Variants in PLCB4 observed in about 807,000 individuals in gnomAD.
The protein encoded by PLCB4 is 1-phosphatidylinositol 4,5-bisphosphate phosphodiesterase beta-4.
PLCB4 carries 77 observed loss-of-function variants against 178.8 expected under a neutral mutation model. That is an observed-to-expected ratio of 0.43 (90% CI 0.36 to 0.52). PLCB4 has a LOEUF of 0.52. Ranked by LOEUF, PLCB4 falls within the 20% of genes least tolerant of loss-of-function variation. The probability of loss-of-function intolerance (pLI) is 0.00; values close to 1 mark genes in which losing one functional copy is unlikely to be tolerated. For missense variants in PLCB4, 1,024 were observed against 1,453.4 expected, an observed-to-expected ratio of 0.70 and a Z score of 4.80; for synonymous variants, 496 against 490.8, an observed-to-expected ratio of 1.01 and a Z score of -0.14.
intron 7 of PLCB4, 75 bp from the exon 8 acceptor site, chr20:9,362,821 A>T: frequency 2.4e-6 from 2 of 837,172 alleles, no homozygotes; most frequent in Non-Finnish European, 4.1e-6. Context: ...AATGGATACA[A>T]TCTATCTAAT....
At chr20:9,234,373 TA>T (rs2093969806) in intron 3 of PLCB4, among the ~76,000 whole-genome samples, 1 of 152,120 alleles carries the variant, frequency 6.6e-6, no homozygotes, top group African/African-American at 2.4e-5. Context: ...AGACAGCCTC[TA>T]AAGCTTTGGG....
chr20:9,214,625 A>AC (rs770003371), intron 2 of PLCB4, among the ~76,000 whole-genome samples: 67 of 152,102 alleles, frequency 4.4e-4, no homozygotes, highest in Non-Finnish European at 9.1e-4. Context: ...ACTCATGCAC[A>AC]CAGTCCCTTC....
Position 9,235,650 on chromosome 20 carries a change from G to T in PLCB4, c.-16+18198G>T, listed in dbSNP as rs541463039. ...GCTCTGACTGGCAGAATTCTCAGAT[G>T]TAGAAGTGGGTTGTTGGGCAGATAA... On this transcript the variant is annotated intron_variant, in intron 3 of 39. Transcript: ENST00000378473. Among the ~76,000 whole-genome samples the T allele has an allele frequency of 3.9e-5, 6 of 152,320 alleles. No homozygotes were observed. The South Asian group carries it at 1.2e-3, about 32-fold the overall frequency.
At chr20:9,296,361 A>G (rs1224107161) in intron 3 of PLCB4, among the ~76,000 whole-genome samples, 1 of 152,220 alleles carries the variant, frequency 6.6e-6, no homozygotes, top group Non-Finnish European at 1.5e-5. Flanking sequence ...AGGAAACAAC[A>G]GGTGCTGGAG....
At chr20:9,453,578 T>C in intron 33 of PLCB4, 116 bp downstream of exon 33, 1 of 608,534 alleles carries the variant, frequency 1.6e-6, no homozygotes, top group Non-Finnish European at 2.9e-6. Context: ...ATTTTCATCA[T>C]TAAAAATTAT....
At chr20:9,458,387 TAG>T (rs2043186327) in intron 34 of PLCB4, among the ~76,000 whole-genome samples, 1 of 152,228 alleles carries the variant, frequency 6.6e-6, no homozygotes, top group African/African-American at 2.4e-5. Flanking sequence ...TCATGATTCT[TAG>T]ATGCTTGGCA....
intron 20 of PLCB4, 57 bp from the exon 21 acceptor site, chr20:9,405,256 A>C: frequency 1.1e-6 from 1 of 898,218 alleles, no homozygotes; most frequent in East Asian, 2.6e-5. Context: ...TATGGCTAAT[A>C]AATTTGGAAT....
chr20:9,298,935 C>T (rs188170587), intron 3 of PLCB4, among the ~76,000 whole-genome samples: 2 of 152,148 alleles, frequency 1.3e-5, no homozygotes, highest in East Asian at 3.9e-4. Flanking sequence ...ATAGCAAAGG[C>T]CATAGATTTC....
chr20:9,431,644 G>GTGTT (rs2041410922), intron 28 of PLCB4, among the ~76,000 whole-genome samples: 1 of 120,228 alleles, frequency 8.3e-6, no homozygotes, highest in Non-Finnish European at 1.7e-5. Context: ...TTGTGTGTGT[G>GTGTT]TGTGTTTGTG....
At chr20:9,421,876 T>C (rs2040665253) in intron 27 of PLCB4, among the ~76,000 whole-genome samples, 1 of 152,260 alleles carries the variant, frequency 6.6e-6, no homozygotes, top group Admixed American at 6.5e-5. Flanking sequence ...TCAGTTGGCA[T>C]GGTCCTGTCT....
At chr20:9,426,802 C>T (rs1399380188) in intron 28 of PLCB4, among the ~76,000 whole-genome samples, 2 of 152,164 alleles carry the variant, frequency 1.3e-5, no homozygotes, top group Non-Finnish European at 2.9e-5. Context: ...TATAGGATTA[C>T]ATTTTATGTC....
intron 2 of PLCB4, among the ~76,000 whole-genome samples, chr20:9,184,962 AC>A (rs1251466913): frequency 6.6e-6 from 1 of 152,088 alleles, no homozygotes; most frequent in African/African-American, 2.4e-5. Flanking sequence ...TCTGTCAGCC[AC>A]CCCGGCTGGA....
intron 36 of PLCB4, among the ~76,000 whole-genome samples, chr20:9,470,174 CA>C (rs1164768811): frequency 2.0e-5 from 3 of 151,716 alleles, no homozygotes; most frequent in Admixed American, 6.6e-5. Flanking sequence ...ACTAAAAATA[CA>C]AAAAAATTAG....
intron 2 of PLCB4, among the ~76,000 whole-genome samples, chr20:9,179,010 A>G (rs2093201415): frequency 6.6e-6 from 1 of 152,190 alleles, no homozygotes; most frequent in Non-Finnish European, 1.5e-5. Context: ...TTATATCTTT[A>G]ACAACCCTTT....
chr20:9,346,968 A>C (rs1177107695), intron 7 of PLCB4, among the ~76,000 whole-genome samples: 1 of 151,964 alleles, frequency 6.6e-6, no homozygotes, highest in Non-Finnish European at 1.5e-5. Flanking sequence ...GCCAGTTCTC[A>C]TTTGCTCTTG....
chr20:9,096,555 C>T (rs907684461), intron 2 of PLCB4, among the ~76,000 whole-genome samples: 8 of 152,224 alleles, frequency 5.3e-5, no homozygotes, highest in African/African-American at 1.9e-4. Context: ...TTGATGTCTA[C>T]AGCAGTCAAT....
At chr20:9,136,570 G>A (rs977243104) in intron 2 of PLCB4, among the ~76,000 whole-genome samples, 5 of 152,070 alleles carry the variant, frequency 3.3e-5, no homozygotes, top group African/African-American at 1.2e-4. Context: ...TCAGTTCCTA[G>A]AGGAAGGCTT....
At chr20:9,328,980 A>G (rs956456963) in intron 4 of PLCB4, among the ~76,000 whole-genome samples, 1 of 152,206 alleles carries the variant, frequency 6.6e-6, no homozygotes, top group African/African-American at 2.4e-5. Flanking sequence ...TACACAGGGG[A>G]TGAAAGATCG....
At chr20:9,069,256 G>A (rs893985469) in intron 1 of PLCB4, 50 bp downstream of exon 1, 1 of 152,488 alleles carries the variant, frequency 6.6e-6, no homozygotes, top group Non-Finnish European at 1.5e-5. Flanking sequence ...CGCCCGCCTT[G>A]GCCCTCAGGG....
Sources: gnomAD v4.1 joint callset for allele counts (sites outside exome capture counted in the v4.1 genomes callset) on GRCh38, gnomAD v4.1.1 for gene constraint, MANE v1.5 for transcripts, NCBI Gene and HGNC (gene_info 2026-07-23, HGNC 2026-07-21) for gene names.